Variants in HCN1 observed in about 807,000 individuals in gnomAD.
HCN1 encodes potassium/sodium hyperpolarization-activated cyclic nucleotide-gated channel 1.
A neutral mutation model predicts 78.9 loss-of-function variants in HCN1; 13 were observed. The observed-to-expected ratio is 0.16, with a 90% CI of 0.11 to 0.26. The LOEUF is 0.26. HCN1 is among the 10% of genes least tolerant of loss of function. The pLI is 1.00. For missense variants in HCN1, 810 were observed against 1,154.3 expected (o/e 0.70, Z 4.32); for synonymous variants, 552 against 455.5 (o/e 1.21, Z -2.70).
At chr5:45,642,007 TAAC>T (rs1002152995) in intron 2 of HCN1, 4 of 152,104 alleles carry the variant, frequency 2.6e-5, no homozygotes, top group Non-Finnish European at 5.9e-5. Context: ...TTAAACACAA[TAAC>T]AACAACGACA....
chr5:45,609,267 T>TA (rs754954137), intron 2 of HCN1, among the ~76,000 whole-genome samples: 8 of 152,134 alleles, frequency 5.3e-5, no homozygotes, highest in Non-Finnish European at 1.2e-4. Flanking sequence ...AGAAGACATG[T>TA]AAAATAAAGT....
At chr5:45,313,132 A>G (rs920344286) in intron 5 of HCN1, among the ~76,000 whole-genome samples, 1 of 152,206 alleles carries the variant, frequency 6.6e-6, no homozygotes, top group African/African-American at 2.4e-5. Context: ...GGGCAGACTG[A>G]CACCTCACAC....
intron 3 of HCN1, among the ~76,000 whole-genome samples, chr5:45,448,920 C>T (rs976640914): frequency 1.3e-5 from 2 of 152,100 alleles, no homozygotes; most frequent in African/African-American, 4.8e-5. Context: ...TTGAGACCAG[C>T]CTGGCCAACA....
At chr5:45,614,851 T>C (rs944918209) in intron 2 of HCN1, among the ~76,000 whole-genome samples, 3 of 152,120 alleles carry the variant, frequency 2.0e-5, no homozygotes, top group Non-Finnish European at 4.4e-5. Context: ...CTCCAGATTA[T>C]GTCACCCCAC....
chr5:45,576,432 C>T (rs1743946379), intron 2 of HCN1: 1 of 152,046 alleles, frequency 6.6e-6, no homozygotes, highest in Non-Finnish European at 1.5e-5. Context: ...GCATCATAAG[C>T]TACAGATACA....
Position 45,258,678 on chromosome 5 carries a change from A to G in HCN1, c.*3243T>C, listed in dbSNP as rs1291396964. ...AGGCTATAAATATGAATATATTTAT[A>G]CAAACCTATTTTGTTATAATAGGGC... On this transcript the variant is annotated 3_prime_UTR_variant, in exon 8 of 8. Transcript: ENST00000303230. The G allele has an allele frequency of 6.6e-6, 1 of 152,100 alleles. No homozygotes were observed. 9.4% of individuals were successfully genotyped at this position (152,100 alleles called of 1,614,324 possible).
In HCN1 at chr5:45,262,374, C is replaced by T. The variant is rs780676759; in HGVS notation, c.2220G>A (p.Gln740=). Residue 740 remains glutamine (Q), a synonymous_variant, in exon 8 of 8, where the codon CAG becomes CAA. Coordinates refer to ENST00000303230, the MANE Select transcript of HCN1 (RefSeq NM_021072.4). ...MQQQPQQQVQ[Q]SQPPQTQPQQ... ...GTGGCTGAGTCTGCGGCGGCTGGGACTGCTGTACCTGCTGCTGCGGCTGCT... is the reference window on the plus strand; with the variant it reads ...GTGGCTGAGTCTGCGGCGGCTGGGATTGCTGTACCTGCTGCTGCGGCTGCT... 6.2e-7 allele frequency: 1 copy of T among 1,611,452 alleles called. No individual in the cohort carries two copies. Among genetic ancestry groups the T allele is most frequent in the South Asian group, 1.1e-5 (1 of 91,022 alleles).
intron 2 of HCN1, among the ~76,000 whole-genome samples, chr5:45,516,262 T>A (rs1384735): frequency 6.6e-6 from 1 of 152,048 alleles, no homozygotes. Flanking sequence ...TGTTTAAACA[T>A]TGAACACTTT....
At chr5:45,387,224 G>T (rs932949845) in intron 4 of HCN1, among the ~76,000 whole-genome samples, 14 of 151,850 alleles carry the variant, frequency 9.2e-5, no homozygotes, top group African/African-American at 2.9e-4. Context: ...AAATGTATGA[G>T]TTACTTCATA....
intron 6 of HCN1, among the ~76,000 whole-genome samples, chr5:45,292,057 A>G (rs1348264621): frequency 6.6e-6 from 1 of 151,996 alleles, no homozygotes; most frequent in Non-Finnish European, 1.5e-5. Flanking sequence ...TGTATTTTCA[A>G]TATCCATTTG....
chr5:45,558,259 G>A (rs752045851), intron 2 of HCN1: 1 of 152,140 alleles, frequency 6.6e-6, no homozygotes, highest in Non-Finnish European at 1.5e-5. Context: ...AACCCAGAGT[G>A]AGGTGCTAAC....
intron 2 of HCN1, among the ~76,000 whole-genome samples, chr5:45,499,602 T>C (rs139461376): frequency 6.6e-6 from 1 of 152,170 alleles, no homozygotes; most frequent in Non-Finnish European, 1.5e-5. Flanking sequence ...TTTGGCCATC[T>C]TGGCTCCTCC....
chr5:45,371,197 C>A (rs1469736129), intron 4 of HCN1, among the ~76,000 whole-genome samples: 3 of 151,750 alleles, frequency 2.0e-5, no homozygotes, highest in Non-Finnish European at 4.4e-5. Flanking sequence ...AAATTAATAA[C>A]CTAAAATCAC....
chr5:45,609,589 C>A (rs1270247003), intron 2 of HCN1, among the ~76,000 whole-genome samples: 2 of 151,972 alleles, frequency 1.3e-5, no homozygotes, highest in Non-Finnish European at 2.9e-5. Flanking sequence ...TAAAAAGAAT[C>A]CAACTATAAT....
intron 3 of HCN1, among the ~76,000 whole-genome samples, chr5:45,417,066 C>T (rs888905206): frequency 1.9e-4 from 29 of 151,922 alleles, no homozygotes; most frequent in Non-Finnish European, 3.4e-4. Context: ...TTTGAAATTA[C>T]GTAAAACTCA....
chr5:45,264,770 A>G (rs1000112826), intron 7 of HCN1, among the ~76,000 whole-genome samples: 2 of 152,348 alleles, frequency 1.3e-5, no homozygotes, highest in Middle Eastern at 3.4e-3. Context: ...TAACCTTGGG[A>G]AAAATAATGT....
chr5:45,416,615 G>A (rs1171493652), intron 3 of HCN1, among the ~76,000 whole-genome samples: 1 of 151,880 alleles, frequency 6.6e-6, no homozygotes, highest in Non-Finnish European at 1.5e-5. Context: ...GAAGGATGAA[G>A]GCAAACGCAT....
chr5:45,484,448 G>C (rs75295438), intron 2 of HCN1, among the ~76,000 whole-genome samples: 1 of 151,840 alleles, frequency 6.6e-6, no homozygotes, highest in Non-Finnish European at 1.5e-5. Context: ...AAAAAAATCC[G>C]TCTAAATATA....
intron 2 of HCN1, among the ~76,000 whole-genome samples, chr5:45,540,416 C>A (rs1743079749): frequency 6.6e-6 from 1 of 151,678 alleles, no homozygotes; most frequent in Non-Finnish European, 1.5e-5. Context: ...CAGCCTCAAC[C>A]TCCCCAGGCT....
Sources: allele counts gnomAD v4.1 joint callset (sites outside exome capture counted in the v4.1 genomes callset), GRCh38; gene constraint gnomAD v4.1.1; transcripts MANE v1.5; gene names NCBI Gene and HGNC (gene_info 2026-07-23, HGNC 2026-07-21).